The following PRKCH variants were observed in gnomAD, a reference collection of about 807,000 sequenced individuals.
PRKCH encodes the protein protein kinase C eta, also known as protein kinase C eta type.
In PRKCH, 28 loss-of-function variants were observed where a neutral mutation model predicts 82.5. The ratio of observed to expected loss-of-function variants is 0.34; its 90% CI spans 0.25 to 0.47. PRKCH has a LOEUF of 0.47. PRKCH is among the 20% of genes least tolerant of loss of function. The pLI is 1.00. For missense variants in PRKCH, 705 were observed against 881.8 expected (o/e 0.80, Z 2.54); for synonymous variants, 322 against 327.4 (o/e 0.98, Z 0.18).
rs1479989688 is a variant in PRKCH, at chr14:61,445,712, G to A, written c.599G>A (p.Gly200Asp). The change falls in exon 4 of 14, where the codon GGT becomes GAT. Residue 200 changes from glycine to aspartate, a missense_variant. By Grantham distance (94) the Gly-to-Asp change is moderately conservative. Transcript: ENST00000332981. ...EFIWGVFGKQ[G>D]YQCQVCTCVV... ...AACAGGGGAGTGTTTGGGAAACAGG[G>A]TTATCAGTGCCAAGGTAAGGAAACA... 1 of 1,610,282 alleles carries A rather than the reference G, an allele frequency of 6.2e-7. No homozygotes were observed. Among genetic ancestry groups the A allele is most frequent in the South Asian group, 1.1e-5 (1 of 91,002 alleles).
chr14:61,206,426 C>G (rs554129412), intron 1 of PRKCH, among the ~76,000 whole-genome samples: 1 of 152,310 alleles, frequency 6.6e-6, no homozygotes, highest in South Asian at 2.1e-4. Context: ...GGAAACCAAT[C>G]ATTGGATTTG....
intron 12 of PRKCH, chr14:61,543,284 A>G (rs1298198213): frequency 2.0e-5 from 3 of 152,178 alleles, no homozygotes; most frequent in Admixed American, 6.5e-5. Flanking sequence ...GTAGTCTGGG[A>G]AAAAAACTGT....
At chr14:61,270,868 G>A (rs1472545215) in intron 1 of PRKCH, among the ~76,000 whole-genome samples, 1 of 152,202 alleles carries the variant, frequency 6.6e-6, no homozygotes, top group African/African-American at 2.4e-5. Flanking sequence ...ATGCTAGTCA[G>A]GAGGCTGAGG....
intron 1 of PRKCH, among the ~76,000 whole-genome samples, chr14:61,358,468 G>T (rs1043285357): frequency 1.3e-5 from 2 of 152,062 alleles, no homozygotes; most frequent in African/African-American, 4.8e-5. Flanking sequence ...TCTTCCTTCT[G>T]GACATTTCTG....
At chr14:61,532,800 C>T (rs2043057118) in intron 12 of PRKCH, among the ~76,000 whole-genome samples, 1 of 152,206 alleles carries the variant, frequency 6.6e-6, no homozygotes, top group Admixed American at 6.5e-5. Flanking sequence ...TAAGGAGAAT[C>T]GCATCCAGTG....
chr14:61,438,916 CT>C (rs1331309819), intron 2 of PRKCH, among the ~76,000 whole-genome samples: 2 of 152,172 alleles, frequency 1.3e-5, no homozygotes, highest in African/African-American at 4.8e-5. Flanking sequence ...GATGGGGTGG[CT>C]TTTCAAAACC....
chr14:61,435,642 G>C (rs1036309125), intron 2 of PRKCH, among the ~76,000 whole-genome samples: 3 of 152,134 alleles, frequency 2.0e-5, no homozygotes, highest in Non-Finnish European at 4.4e-5. Flanking sequence ...GAAGCTGTTT[G>C]AGGTCAGCCT....
intron 10 of PRKCH, among the ~76,000 whole-genome samples, chr14:61,513,089 G>A (rs2042770970): frequency 6.6e-6 from 1 of 152,238 alleles, no homozygotes; most frequent in Non-Finnish European, 1.5e-5. Context: ...CAGCGCAATG[G>A]GATTGGTAGC....
intron 2 of PRKCH, among the ~76,000 whole-genome samples, chr14:61,398,235 CATT>C (rs1320375222): frequency 1.3e-5 from 2 of 152,124 alleles, no homozygotes; most frequent in Non-Finnish European, 2.9e-5. Flanking sequence ...CAGATTCCAT[CATT>C]GTTGCCATGT....
At position 61,550,102 on chromosome 14, in the gene PRKCH, T is replaced by C. The variant is rs1311185354; in HGVS notation, c.*271T>C. The C allele has an allele frequency of 3.1e-6, 1 of 319,492 alleles. No individual in the cohort carries two copies. Among genetic ancestry groups the C allele is most frequent in the Non-Finnish European group, 5.7e-6 (1 of 174,186 alleles). 19.8% of individuals were successfully genotyped at this position (319,492 alleles called of 1,614,324 possible). ...AGCGTCTGTCTCTGTGGGCTTGGGA[T>C]GTTAACAGGAGCCAAAAGGAGGGAA... On this transcript the variant is annotated 3_prime_UTR_variant, in exon 14 of 14. Coordinates refer to ENST00000332981, the MANE Select transcript of PRKCH (RefSeq NM_006255.5).
chr14:61,396,085 A>G (rs1282770007), intron 2 of PRKCH, among the ~76,000 whole-genome samples: 1 of 151,130 alleles, frequency 6.6e-6, no homozygotes, highest in Non-Finnish European at 1.5e-5. Context: ...GTTTCAGAAA[A>G]AAAAAAAAAA....
chr14:61,545,566 T>C (rs1003043135), intron 12 of PRKCH, among the ~76,000 whole-genome samples: 2 of 152,352 alleles, frequency 1.3e-5, no homozygotes, highest in South Asian at 2.1e-4. Flanking sequence ...GTTTTGTTTT[T>C]TCTTTTGGTT....
chr14:61,429,347 G>A (rs1386070078), intron 2 of PRKCH, among the ~76,000 whole-genome samples: 1 of 152,194 alleles, frequency 6.6e-6, no homozygotes, highest in Non-Finnish European at 1.5e-5. Context: ...ATAGAACTGA[G>A]GCAACCTTCT....
chr14:61,209,310 TAAAAAAA>T (rs6145367), intron 1 of PRKCH, among the ~76,000 whole-genome samples: 16 of 92,882 alleles, frequency 1.7e-4, no homozygotes, highest in South Asian at 4.6e-4. Flanking sequence ...TGCCTTTATT[TAAAAAAA>T]AAAAAAAAAA....
chr14:61,472,682 G>C (rs538236479), intron 9 of PRKCH, among the ~76,000 whole-genome samples: 30 of 152,204 alleles, frequency 2.0e-4, no homozygotes, highest in African/African-American at 7.0e-4. Context: ...GACAAAGTGA[G>C]ACTCCTGTCT....
Position 61,360,630 on chromosome 14 carries a change from C to T in PRKCH, c.364-30595C>T, listed in dbSNP as rs769513838. On this transcript the variant is annotated intron_variant, in intron 1 of 13. Coordinates refer to ENST00000332981, the MANE Select transcript of PRKCH (RefSeq NM_006255.5). ...TGAAAGGATAACAAATGATTTGTAT[C>T]GTTGGATAATATAAAAACACTTCAA... is the stretch of plus-strand genomic sequence containing the variant. Among the ~76,000 whole-genome samples, 4 of 152,134 alleles carry T rather than the reference C, an allele frequency of 2.6e-5. No individual in the cohort carries two copies. In the South Asian group the frequency reaches 6.2e-4, roughly 24 times the overall value.
intron 13 of PRKCH, among the ~76,000 whole-genome samples, chr14:61,549,089 C>T (rs777446705): frequency 6.6e-6 from 1 of 152,178 alleles, no homozygotes; most frequent in African/African-American, 2.4e-5. Context: ...CCCCTGCCAG[C>T]GCCCCTGGGA....
In PRKCH at chr14:61,261,668, C is replaced by CTT. The variant is rs138788544; in HGVS notation, c.-19+74009_-19+74010dup. 2.6e-4 allele frequency among the ~76,000 whole-genome samples: 39 copies of CTT among 149,986 alleles called. No individual in the cohort carries two copies. In the South Asian group the frequency reaches 4.2e-3, roughly 16 times the overall value. Reference sequence around the variant, plus strand: ...CATCTGTTGCCATTTACATCCATATCTTTTTTTTTTAATTTATTTTTCTTG... The same window carrying CTT: ...CATCTGTTGCCATTTACATCCATATCTTTTTTTTTTTTAATTTATTTTTCTTG... On this transcript the variant is annotated intron_variant, in intron 1 of 3. Transcript: ENST00000555185.
intron 9 of PRKCH, among the ~76,000 whole-genome samples, chr14:61,460,167 A>G (rs553593868): frequency 6.6e-6 from 1 of 152,298 alleles, no homozygotes; most frequent in African/African-American, 2.4e-5. Context: ...TTTAAGACAT[A>G]ATATTAATAG....
Sources: gnomAD v4.1 joint callset for allele counts (sites outside exome capture counted in the v4.1 genomes callset) on GRCh38, gnomAD v4.1.1 for gene constraint, MANE v1.5 for transcripts, NCBI Gene and HGNC (gene_info 2026-07-23, HGNC 2026-07-21) for gene names.